CD46: variants seen among roughly 807,000 people sequenced by gnomAD.
CD46 encodes the protein membrane cofactor protein.
Under a neutral mutation model 53.3 loss-of-function variants are expected in CD46, and 30 were observed. The observed-to-expected ratio is 0.56, with a 90% CI of 0.42 to 0.76. The LOEUF (loss-of-function observed/expected upper bound fraction) is 0.76, where lower values mean the gene tolerates loss of function less well. CD46 is among the 30% of genes least tolerant of loss of function. CD46 has a pLI of 0.00. For missense variants in CD46, 409 were observed against 463.0 expected, an observed-to-expected ratio of 0.88 and a Z score of 1.07; for synonymous variants, 142 against 152.0, an observed-to-expected ratio of 0.93 and a Z score of 0.48.
At position 207,752,401 on chromosome 1, in the gene CD46, G is replaced by A; in HGVS notation, c.97+92G>A. On this transcript the variant is annotated intron_variant, in intron 1 of 12. Transcript: ENST00000367042. The surrounding 1 kb of genome is among the most constrained non-coding windows in gnomAD (Gnocchi z 4.1). ...CGCGGGGCGGGGCTCACAGCAGGCC[G>A]TGCCTGTTTGGGGACAGGGTTCTCT... 2.5e-6 allele frequency: 3 copies of A among 1,213,248 alleles called. No individual in the cohort carries two copies. Among genetic ancestry groups the A allele is most frequent in the Non-Finnish European group, 3.7e-6 (3 of 821,458 alleles). The allele number at this position is 1,213,248 out of a possible 1,614,324, so 75.2% of individuals were successfully genotyped here. A position where few individuals can be genotyped will look rare whatever the true frequency, so the allele number is the denominator to read the frequency against.
At chr1:207,757,707 C>T in intron 3 of CD46, 65 bp downstream of exon 3, 1 of 1,022,486 alleles carries the variant, frequency 9.8e-7, no homozygotes, top group Non-Finnish European at 1.5e-6. Flanking sequence ...TGCTTCTCTT[C>T]TTAAGCATTC....
Position 207,752,341 on chromosome 1 carries a change from G to A in CD46, c.97+32G>A. The A allele has an allele frequency of 1.9e-6, 3 of 1,590,510 alleles. No homozygotes were observed. Among genetic ancestry groups the A allele is most frequent in the African/African-American group, 2.7e-5 (2 of 74,556 alleles). ...CCCCGGGGCGGGTTCGCGCGTCCGC[G>A]GCGAGACTAGAGCTCTCCTCAGTCG... On this transcript the variant is annotated intron_variant, in intron 1 of 12. Coordinates refer to ENST00000367042, the MANE Select transcript of CD46 (RefSeq NM_172351.3). This position sits in a 1 kb window ranked among gnomAD's most constrained non-coding sequence, Gnocchi z 4.1.
chr1:207,770,626 C>T (rs1344421190), intron 8 of CD46, among the ~76,000 whole-genome samples: 1 of 151,628 alleles, frequency 6.6e-6, no homozygotes, highest in African/African-American at 2.4e-5. Flanking sequence ...TTGTTCAACT[C>T]CTACCTATGA....
At chr1:207,758,677 C>T (rs147801736) in intron 3 of CD46, among the ~76,000 whole-genome samples, 14 of 152,100 alleles carry the variant, frequency 9.2e-5, no homozygotes, top group African/African-American at 2.9e-4. Context: ...AGTAACACAC[C>T]ATAATATAGA....
chr1:207,753,079 G>A (rs565610711), intron 1 of CD46, among the ~76,000 whole-genome samples: 1 of 151,826 alleles, frequency 6.6e-6, no homozygotes, highest in African/African-American at 2.4e-5. Context: ...CTTTTTTGGG[G>A]GGTGGGTGGG....
At position 207,767,243 on chromosome 1, in the gene CD46, G is replaced by T. The variant is rs1024743006; in HGVS notation, c.856+48G>T. The stretch of plus-strand genomic sequence containing the variant: ...GTCTTGGTTTGTTATTGTTGTTGCT[G>T]TTCATTTTAGACTTTATTTCTTTGA... On this transcript the variant is annotated intron_variant, in intron 6 of 12. Coordinates refer to ENST00000367042, the MANE Select transcript of CD46 (RefSeq NM_172351.3). 3.4e-6 allele frequency: 5 copies of T among 1,481,038 alleles called. No individual in the cohort carries two copies. The African/African-American group carries it at 5.6e-5, about 16-fold the overall frequency. 91.7% of individuals were successfully genotyped at this position (1,481,038 alleles called of 1,614,324 possible).
At chr1:207,782,150 C>A (rs1377472940) in intron 8 of CD46, among the ~76,000 whole-genome samples, 1 of 151,872 alleles carries the variant, frequency 6.6e-6, no homozygotes, top group Non-Finnish European at 1.5e-5. Context: ...TTAGTTTATT[C>A]CTAAGTATTT....
At chr1:207,789,527 TC>T (rs1288375304) in intron 11 of CD46, among the ~76,000 whole-genome samples, 1 of 152,162 alleles carries the variant, frequency 6.6e-6, no homozygotes, top group Non-Finnish European at 1.5e-5. Context: ...TTAGAAAGCA[TC>T]CTTACAAAAT....
At chr1:207,755,446 G>A (rs1655420828) in intron 1 of CD46, among the ~76,000 whole-genome samples, 1 of 152,204 alleles carries the variant, frequency 6.6e-6, no homozygotes, top group Non-Finnish European at 1.5e-5. Flanking sequence ...GGTTTCGTAA[G>A]CAGACAGTGC....
At chr1:207,790,183 GT>G in intron 11 of CD46, 69 bp from the exon 12 acceptor site, 1 of 813,860 alleles carries the variant, frequency 1.2e-6, no homozygotes. Context: ...TATCCCACTT[GT>G]TATGCTACTC....
intron 9 of CD46, among the ~76,000 whole-genome samples, chr1:207,784,017 T>C (rs935110201): frequency 6.6e-6 from 1 of 152,216 alleles, no homozygotes; most frequent in African/African-American, 2.4e-5. Context: ...ATTAAGATTT[T>C]ATAGGATTAT....
At chr1:207,789,618 C>T (rs1362581529) in intron 11 of CD46, among the ~76,000 whole-genome samples, 1 of 151,988 alleles carries the variant, frequency 6.6e-6, no homozygotes, top group Non-Finnish European at 1.5e-5. Flanking sequence ...AACAGATGTG[C>T]CACAGGAAGA....
intron 11 of CD46, among the ~76,000 whole-genome samples, chr1:207,787,067 CTGT>C (rs1041677120): frequency 1.3e-5 from 2 of 152,002 alleles, no homozygotes; most frequent in African/African-American, 4.8e-5. Flanking sequence ...AATGGTTTTT[CTGT>C]TGTTGTTTTT....
At chr1:207,754,340 G>T (rs1655268560) in intron 1 of CD46, among the ~76,000 whole-genome samples, 1 of 152,034 alleles carries the variant, frequency 6.6e-6, no homozygotes, top group Non-Finnish European at 1.5e-5. Context: ...AACTCAGCTG[G>T]AATGTTACAC....
In CD46 at chr1:207,761,444, A is replaced by T; in HGVS notation, c.671A>T (p.Lys224Ile). Residue 224 changes from lysine to isoleucine, a missense_variant and splice_region_variant, in exon 5 of 13, where the codon AAA (lysine) becomes ATA (isoleucine). Physicochemically the swap from Lys to Ile is moderately radical, Grantham distance 102. Transcript: ENST00000367042. The stretch of plus-strand genomic sequence containing the variant: ...TGGAGTCGTGCTGCTCCAGAGTGTA[A>T]AGGTAGTGTTTCAATTTATTTCCTT... Reference protein sequence around the residue: ...SVWSRAAPECKVVKCRFPVVE... With the variant: ...SVWSRAAPECIVVKCRFPVVE... The T allele has an allele frequency of 6.2e-7, 1 of 1,612,106 alleles. No individual in the cohort carries two copies.
chr1:207,767,257 T>G, intron 6 of CD46, 62 bp downstream of exon 6: 1 of 1,401,190 alleles, frequency 7.1e-7, no homozygotes, highest in Non-Finnish European at 1.0e-6. Flanking sequence ...ATTTTAGACT[T>G]TATTTCTTTG....
Position 207,794,603 on chromosome 1 carries a change from A to G in CD46, c.*1126A>G, listed in dbSNP as rs766013245. 2 of 152,226 alleles carry G rather than the reference A, an allele frequency of 1.3e-5. No homozygotes were observed. The highest frequency in any genetic ancestry group is 2.9e-5 in the Non-Finnish European group (2 of 68,042). The allele number at this position is 152,226 out of a possible 1,614,324, so 9.4% of individuals were successfully genotyped here. On this transcript the variant is annotated 3_prime_UTR_variant, in exon 13 of 13. Coordinates refer to ENST00000367042, the MANE Select transcript of CD46 (RefSeq NM_172351.3). ...TAAAAGCCATCTATGTATATGTCTT[A>G]CCTCATCTCCTAAAAGGCAGAGTAC...
At chr1:207,773,620 A>G (rs1657763453) in intron 8 of CD46, among the ~76,000 whole-genome samples, 1 of 152,168 alleles carries the variant, frequency 6.6e-6, no homozygotes, top group Non-Finnish European at 1.5e-5. Flanking sequence ...GTTTTAAAGA[A>G]CAACTTTATT....
intron 8 of CD46, among the ~76,000 whole-genome samples, chr1:207,779,936 G>C (rs1268407207): frequency 3.6e-5 from 1 of 27,698 alleles, no homozygotes; most frequent in Non-Finnish European, 7.3e-5. Flanking sequence ...TTTTTTTACT[G>C]TAGTACTATA....
Sources: allele counts gnomAD v4.1 joint callset (sites outside exome capture counted in the v4.1 genomes callset), GRCh38; gene constraint gnomAD v4.1.1; non-coding constraint Gnocchi (gnomAD v3.1); transcripts MANE v1.5; gene names NCBI Gene and HGNC (gene_info 2026-07-23, HGNC 2026-07-21).